Variants in SLC35D2 observed in about 807,000 individuals in gnomAD.
SLC35D2 encodes nucleotide sugar transporter SLC35D2.
Under a neutral mutation model 41.8 loss-of-function variants are expected in SLC35D2, and 43 were observed. That is an observed-to-expected ratio of 1.03 (90% CI 0.81 to 1.33). SLC35D2 has a LOEUF of 1.33. Among genes scored for constraint, SLC35D2 ranks in the 40% most tolerant of loss-of-function variants. The probability of loss-of-function intolerance (pLI) is 0.00; values close to 1 mark genes in which losing one functional copy is unlikely to be tolerated. For missense variants in SLC35D2, 380 were observed against 408.4 expected, an observed-to-expected ratio of 0.93 and a Z score of 0.60; for synonymous variants, 150 against 163.9, an observed-to-expected ratio of 0.92 and a Z score of 0.65.
chr9:96,354,900 T>C (rs1005107172), intron 4 of SLC35D2, among the ~76,000 whole-genome samples: 2 of 151,506 alleles, frequency 1.3e-5, no homozygotes, highest in African/African-American at 2.4e-5. Context: ...CAAAACATTG[T>C]TAAAAAAATT....
intron 1 of SLC35D2, among the ~76,000 whole-genome samples, chr9:96,377,269 T>C (rs919279815): frequency 2.0e-5 from 3 of 152,064 alleles, no homozygotes; most frequent in Non-Finnish European, 4.4e-5. Context: ...AGGAAAAGCA[T>C]TCGGGTACAA....
chr9:96,364,496 A>G lies in SLC35D2; in HGVS notation c.247T>C (p.Phe83Leu), dbSNP rs765112554. Residue 83 changes from phenylalanine to leucine, a missense_variant, in exon 3 of 12, where the codon TTC becomes CTC. Coordinates refer to ENST00000253270, the MANE Select transcript of SLC35D2 (RefSeq NM_007001.3). ...GGAATTTTCTTATCAAAATCAGGGA[A>G]GTGAATGATTTTGTTTAGCTTGGAC... ...YVSKLNKIIH[F>L]PDFDKKIPVK... The G allele has an allele frequency of 6.2e-7, 1 of 1,602,474 alleles. No homozygotes were observed. The highest frequency in any genetic ancestry group is 8.5e-7 in the Non-Finnish European group (1 of 1,170,224).
chr9:96,337,027 T>C (rs1459057909), intron 8 of SLC35D2, among the ~76,000 whole-genome samples: 1 of 152,164 alleles, frequency 6.6e-6, no homozygotes, highest in African/African-American at 2.4e-5. Flanking sequence ...AAAACGTTGA[T>C]ATAAGGACTG....
chr9:96,352,720 G>A (rs1829857983), intron 4 of SLC35D2, among the ~76,000 whole-genome samples: 1 of 152,010 alleles, frequency 6.6e-6, no homozygotes, highest in Non-Finnish European at 1.5e-5. Flanking sequence ...GACAAATCAA[G>A]TCAGGCCTAT....
intron 9 of SLC35D2, 91 bp from the exon 10 acceptor site, chr9:96,324,260 ACTTT>A: frequency 1.0e-6 from 1 of 960,798 alleles, no homozygotes; most frequent in Middle Eastern, 2.2e-4. Context: ...CCACACAAGC[ACTTT>A]AAGCGAAGAA....
intron 1 of SLC35D2, among the ~76,000 whole-genome samples, chr9:96,374,995 CTTT>C (rs373967703): frequency 2.2e-5 from 3 of 136,150 alleles, no homozygotes; most frequent in African/African-American, 2.8e-5. Context: ...TGTTTGAATT[CTTT>C]TTTTTTTTTT....
intron 6 of SLC35D2, 43 bp downstream of exon 6, chr9:96,351,060 A>G (rs182752201): frequency 3.1e-4 from 442 of 1,435,440 alleles, no homozygotes; most frequent in African/African-American, 2.2e-3. Context: ...CTATTGTCAA[A>G]GACACAAAGA....
At chr9:96,334,718 C>T (rs933384153) in intron 9 of SLC35D2, among the ~76,000 whole-genome samples, 1 of 152,074 alleles carries the variant, frequency 6.6e-6, no homozygotes, top group African/African-American at 2.4e-5. Flanking sequence ...CAATGAACAT[C>T]GCCTGAAACA....
chr9:96,373,011 T>C (rs1350385341), intron 1 of SLC35D2, among the ~76,000 whole-genome samples: 1 of 151,690 alleles, frequency 6.6e-6, no homozygotes, highest in African/African-American at 2.4e-5. Flanking sequence ...GCAATTCTCC[T>C]GCCTCAGCCT....
At position 96,338,555 on chromosome 9, in the gene SLC35D2, C is replaced by CAA. The variant is rs58788876; in HGVS notation, c.685-1773_685-1772dup. Among the ~76,000 whole-genome samples the CAA allele has an allele frequency of 2.8e-3, 325 of 115,722 alleles. 3 individuals are homozygous for CAA. In the South Asian group the frequency reaches 0.032, roughly 12 times the overall value. 75.9% of individuals were successfully genotyped at this position (115,722 alleles called of 152,430 possible). ...TGGGCAACAGAGTGAGACCCTGTCT[C>CAA]AAAAAAAAAAAAAAAAAATACACGT... On this transcript the variant is annotated intron_variant, in intron 8 of 11. Coordinates refer to ENST00000253270, the MANE Select transcript of SLC35D2 (RefSeq NM_007001.3).
chr9:96,351,841 T>C (rs948692087), intron 5 of SLC35D2, among the ~76,000 whole-genome samples, 197 bp downstream of exon 5: 1 of 152,182 alleles, frequency 6.6e-6, no homozygotes, highest in African/African-American at 2.4e-5. Flanking sequence ...GCATTATTTG[T>C]CTATGGTAAA....
At chr9:96,340,254 G>T (rs773427083) in intron 8 of SLC35D2, among the ~76,000 whole-genome samples, 1 of 152,042 alleles carries the variant, frequency 6.6e-6, no homozygotes, top group East Asian at 1.9e-4. Flanking sequence ...TGGGGTTGAT[G>T]GCTTTTTTCT....
intron 6 of SLC35D2, among the ~76,000 whole-genome samples, chr9:96,346,433 G>A (rs1587681202): frequency 1.3e-5 from 2 of 152,160 alleles, no homozygotes; most frequent in South Asian, 2.1e-4. Context: ...TCTCAGGGCC[G>A]ACCCTCCGTC....
chr9:96,337,892 G>A (rs1829121220), intron 8 of SLC35D2, among the ~76,000 whole-genome samples: 1 of 144,090 alleles, frequency 6.9e-6, no homozygotes, highest in South Asian at 2.2e-4. Context: ...TGAGGCAGGA[G>A]AATCACTTGA....
intron 6 of SLC35D2, among the ~76,000 whole-genome samples, chr9:96,345,729 G>A (rs918921871): frequency 8.5e-5 from 13 of 152,112 alleles, no homozygotes; most frequent in East Asian, 1.9e-4. Context: ...GATTCGCCCC[G>A]ATCCACCCAG....
intron 1 of SLC35D2, among the ~76,000 whole-genome samples, chr9:96,376,922 A>G (rs1257879622): frequency 1.3e-5 from 2 of 151,168 alleles, no homozygotes; most frequent in Non-Finnish European, 2.9e-5. Context: ...GGGGTCAACA[A>G]TTTGAAAGTA....
chr9:96,319,894 G>A (rs1828148075), downstream of SLC35D2, among the ~76,000 whole-genome samples: 1 of 152,250 alleles, frequency 6.6e-6, no homozygotes. Flanking sequence ...CAAGGATTTA[G>A]AGATCTAGTT....
chr9:96,374,597 G>A (rs1308696364), intron 1 of SLC35D2, among the ~76,000 whole-genome samples: 1 of 151,422 alleles, frequency 6.6e-6, no homozygotes, highest in Non-Finnish European at 1.5e-5. Flanking sequence ...CACTTTGGGA[G>A]GACGAGGCGG....
At chr9:96,319,335 C>G (rs1198418890), downstream of SLC35D2, among the ~76,000 whole-genome samples, 1 of 151,942 alleles carries the variant, frequency 6.6e-6, no homozygotes, top group African/African-American at 2.4e-5. Context: ...TGCCAGGGGC[C>G]GGAGGGATGG....
Sources: allele counts gnomAD v4.1 joint callset (sites outside exome capture counted in the v4.1 genomes callset), GRCh38; gene constraint gnomAD v4.1.1; transcripts MANE v1.5; gene names NCBI Gene and HGNC (gene_info 2026-07-23, HGNC 2026-07-21).